RC3H1: variants seen among roughly 807,000 people sequenced by gnomAD.
RC3H1 encodes the protein roquin-1.
A neutral mutation model predicts 138.2 loss-of-function variants in RC3H1; 50 were observed. The ratio of observed to expected loss-of-function variants is 0.36; its 90% CI spans 0.29 to 0.46. RC3H1 has a LOEUF of 0.46. Ranked by LOEUF, RC3H1 falls within the 20% of genes least tolerant of loss-of-function variation. The probability of loss-of-function intolerance (pLI) is 1.00; values close to 1 mark genes in which losing one functional copy is unlikely to be tolerated. For synonymous variants in RC3H1, 462 were observed against 489.1 expected, an observed-to-expected ratio of 0.94 and a Z score of 0.73; for missense variants, 1,031 against 1,388.1, an observed-to-expected ratio of 0.74 and a Z score of 4.09.
At chr1:174,010,417 T>C (rs1391362598) in intron 1 of RC3H1, among the ~76,000 whole-genome samples, 1 of 151,986 alleles carries the variant, frequency 6.6e-6, no homozygotes, top group African/African-American at 2.4e-5. Flanking sequence ...CAACCTTTTT[T>C]CTTTTTTTAA....
At chr1:173,980,361 T>C (rs1049604172) in intron 6 of RC3H1, among the ~76,000 whole-genome samples, 3 of 151,990 alleles carry the variant, frequency 2.0e-5, no homozygotes, top group Non-Finnish European at 4.4e-5. Flanking sequence ...ATTTATTATC[T>C]ATGTGATGCT....
At chr1:173,987,728 C>T (rs960660437) in intron 2 of RC3H1, among the ~76,000 whole-genome samples, 4 of 151,646 alleles carry the variant, frequency 2.6e-5, no homozygotes. Context: ...TGTAATAACC[C>T]GAGATATACA....
chr1:173,954,425 TG>T (rs1659548645), intron 13 of RC3H1, among the ~76,000 whole-genome samples: 1 of 151,062 alleles, frequency 6.6e-6, no homozygotes, highest in South Asian at 2.1e-4. Flanking sequence ...AGAAAGGGAA[TG>T]GGGGGAGGGA....
At position 173,993,096 on chromosome 1, in the gene RC3H1, T is replaced by A. The variant is rs1661364464; in HGVS notation, c.-111A>T. 2.1e-5 allele frequency: 16 copies of A among 755,652 alleles called. No homozygotes were observed. Among genetic ancestry groups the A allele is most frequent in the Non-Finnish European group, 3.5e-5 (16 of 461,960 alleles). The allele number at this position is 755,652 out of a possible 1,614,324, so 46.8% of individuals were successfully genotyped here. ...AGTTTATCTTTTTTTTTTTTAAATA[T>A]CTTCTGTAGATACAGTCAGCACATA... On this transcript the variant is annotated 5_prime_UTR_variant, in exon 2 of 20. Coordinates refer to ENST00000367696, the MANE Select transcript of RC3H1 (RefSeq NM_172071.4).
At chr1:174,000,060 T>C (rs1315070690) in intron 1 of RC3H1, among the ~76,000 whole-genome samples, 4 of 152,208 alleles carry the variant, frequency 2.6e-5, no homozygotes, top group Non-Finnish European at 2.9e-5. Flanking sequence ...GTAGTAATGG[T>C]TGCACAACTC....
At position 173,985,944 on chromosome 1, in the gene RC3H1, G is replaced by C. The variant is rs75041423; in HGVS notation, c.232-1325C>G. Among the ~76,000 whole-genome samples the C allele has an allele frequency of 5.0e-3, 766 of 152,236 alleles. 3 individuals are homozygous for C. Among genetic ancestry groups the C allele is most frequent in the African/African-American group, 0.018 (734 of 41,546 alleles). On this transcript the variant is annotated intron_variant, in intron 2 of 19. Transcript: ENST00000367696. ...TTTGCCTAGTAAACTTTATTTTGTA[G>C]AACAGTTTTAGATTTACAGAAAAAT...
intron 5 of RC3H1, 103 bp downstream of exon 5, chr1:173,982,623 TC>T (rs1660870841): frequency 1.0e-6 from 1 of 988,418 alleles, no homozygotes; most frequent in South Asian, 2.1e-5. Context: ...GCTGAGATTT[TC>T]TGAAAAGATA....
At chr1:173,952,296 A>G (rs1366623924) in intron 13 of RC3H1, among the ~76,000 whole-genome samples, 158 bp from the exon 14 acceptor site, 1 of 151,422 alleles carries the variant, frequency 6.6e-6, no homozygotes, top group Admixed American at 6.6e-5. Context: ...AAGTGCCACA[A>G]TAGAAGATTT....
At chr1:173,976,690 T>C (rs1169517780) in intron 7 of RC3H1, among the ~76,000 whole-genome samples, 1 of 152,204 alleles carries the variant, frequency 6.6e-6, no homozygotes, top group Admixed American at 6.5e-5. Flanking sequence ...AAGTTCTCTT[T>C]TGACTGCTCA....
intron 1 of RC3H1, among the ~76,000 whole-genome samples, chr1:174,014,512 A>G (rs1661822828): frequency 6.6e-6 from 1 of 152,074 alleles, no homozygotes; most frequent in African/African-American, 2.4e-5. Context: ...TCTGACTACC[A>G]CTCCCAAAAG....
At chr1:173,980,736 A>T in intron 6 of RC3H1, 73 bp downstream of exon 6, 1 of 1,127,362 alleles carries the variant, frequency 8.9e-7, no homozygotes, top group Non-Finnish European at 1.3e-6. Flanking sequence ...TATTCACTTT[A>T]ATATACATTT....
intron 13 of RC3H1, among the ~76,000 whole-genome samples, chr1:173,956,903 T>C (rs1659673551): frequency 6.6e-6 from 1 of 152,010 alleles, no homozygotes; most frequent in African/African-American, 2.4e-5. Flanking sequence ...ACACAGGTTG[T>C]TTTATTTATT....
At chr1:173,986,440 A>G (rs1195369651) in intron 2 of RC3H1, among the ~76,000 whole-genome samples, 4 of 152,112 alleles carry the variant, frequency 2.6e-5, no homozygotes, top group Non-Finnish European at 2.9e-5. Flanking sequence ...CACCACACCC[A>G]GCTAATTTTG....
At chr1:173,958,552 CAA>C (rs966264101) in intron 13 of RC3H1, among the ~76,000 whole-genome samples, 1 of 126,310 alleles carries the variant, frequency 7.9e-6, no homozygotes, top group African/African-American at 2.9e-5. Flanking sequence ...TCTCACAAAA[CAA>C]AAAAAAAAAA....
intron 6 of RC3H1, among the ~76,000 whole-genome samples, chr1:173,979,499 T>C (rs1019730970): frequency 6.6e-6 from 1 of 151,946 alleles, no homozygotes; most frequent in Non-Finnish European, 1.5e-5. Context: ...TACAAAAAAT[T>C]TGGGCGTGGT....
chr1:173,980,746 T>C, intron 6 of RC3H1, 63 bp downstream of exon 6: 1 of 1,259,160 alleles, frequency 7.9e-7, no homozygotes, highest in Non-Finnish European at 1.1e-6. Flanking sequence ...AATATACATT[T>C]GTTAAATGAA....
intron 7 of RC3H1, among the ~76,000 whole-genome samples, chr1:173,975,568 G>A (rs1660539563): frequency 6.6e-6 from 1 of 151,898 alleles, no homozygotes; most frequent in Non-Finnish European, 1.5e-5. Context: ...GAAATGCTAA[G>A]ATCTGAAATA....
chr1:174,009,568 G>A (rs1661713003), intron 1 of RC3H1, among the ~76,000 whole-genome samples: 1 of 152,150 alleles, frequency 6.6e-6, no homozygotes, highest in African/African-American at 2.4e-5. Context: ...GCCAGGCATG[G>A]TGGCTCATGT....
chr1:174,013,017 C>A (rs1661795946), intron 1 of RC3H1, among the ~76,000 whole-genome samples: 1 of 150,864 alleles, frequency 6.6e-6, no homozygotes, highest in Non-Finnish European at 1.5e-5. Context: ...GGATCAAAAA[C>A]AAAATAAAAT....
Sources: allele counts gnomAD v4.1 joint callset (sites outside exome capture counted in the v4.1 genomes callset), GRCh38; gene constraint gnomAD v4.1.1; transcripts MANE v1.5; gene names NCBI Gene and HGNC (gene_info 2026-07-23, HGNC 2026-07-21).